Variants in UTP20 observed in about 807,000 individuals in gnomAD.
UTP20 encodes small subunit processome component 20 homolog.
In UTP20, 164 loss-of-function variants were observed where a neutral mutation model predicts 329.5. The observed-to-expected ratio is 0.50, with a 90% CI of 0.44 to 0.57. UTP20 has a LOEUF of 0.57. Ranked by LOEUF, UTP20 falls within the 20% of genes least tolerant of loss-of-function variation. The pLI is 0.00. For missense variants in UTP20, 3,055 were observed against 3,284.2 expected (o/e 0.93, Z 1.71); for synonymous variants, 1,151 against 1,159.3 (o/e 0.99, Z 0.14).
At chr12:101,322,227 C>T (rs1868389276) in intron 25 of UTP20, among the ~76,000 whole-genome samples, 1 of 151,940 alleles carries the variant, frequency 6.6e-6, no homozygotes, top group Non-Finnish European at 1.5e-5. Context: ...TGACCTCAGG[C>T]GATCCACCCG....
rs1378344312 is a variant in UTP20 at position 101,356,288 on chromosome 12, G to A, written c.5395-266G>A. On this transcript the variant is annotated intron_variant, in intron 41 of 61. Transcript: ENST00000261637. ...ATTACAGGCATGCACCACCACGCCC[G>A]GCTAATTTTGTATTTTTAGTAGAGA... Among the ~76,000 whole-genome samples, 5 of 151,958 alleles carry A rather than the reference G, an allele frequency of 3.3e-5. No individual in the cohort carries two copies. The East Asian group carries it at 5.8e-4, about 18-fold the overall frequency.
At position 101,371,084 on chromosome 12, in the gene UTP20, C is replaced by T. The variant is rs753043327; in HGVS notation, c.6714C>T (p.Val2238=). The T allele has an allele frequency of 6.2e-7, 1 of 1,613,920 alleles. No homozygotes were observed. The highest frequency in any genetic ancestry group is 1.1e-5 in the South Asian group (1 of 91,016). ...CAATTTTATCAAGAAAGCTGTTGGT[C>T]CCAGAAATCGATGAGGTCATGCGGA... ...LKAILSRKLL[V]PEIDEVMRKV... Residue 2238 remains valine, a synonymous_variant, in exon 51 of 62, where the codon GTC becomes GTT. Coordinates refer to ENST00000261637, the MANE Select transcript of UTP20 (RefSeq NM_014503.3).
chr12:101,331,870 G>C (rs1286453363), intron 27 of UTP20, among the ~76,000 whole-genome samples: 2 of 151,648 alleles, frequency 1.3e-5, no homozygotes, highest in Non-Finnish European at 2.9e-5. Context: ...ATTAGGGGTT[G>C]AATCTTCTCC....
intron 18 of UTP20, among the ~76,000 whole-genome samples, chr12:101,309,369 A>C (rs1218682295): frequency 2.6e-5 from 4 of 152,206 alleles, no homozygotes; most frequent in Non-Finnish European, 1.5e-5. Context: ...GCAAAGCCTC[A>C]GTCATTCACA....
At chr12:101,282,592 G>T (rs1871836396) in intron 2 of UTP20, among the ~76,000 whole-genome samples, 1 of 152,208 alleles carries the variant, frequency 6.6e-6, no homozygotes, top group Non-Finnish European at 1.5e-5. Flanking sequence ...TCCTGAAGCT[G>T]TAGGGACTTA....
intron 27 of UTP20, among the ~76,000 whole-genome samples, chr12:101,332,470 A>G (rs1317459543): frequency 5.9e-5 from 9 of 152,242 alleles, no homozygotes. Context: ...CACTGGAGCC[A>G]TTAGTAGGGA....
chr12:101,329,164 AAAT>A (rs1341703995), intron 26 of UTP20, 74 bp from the exon 27 acceptor site: 394 of 1,276,072 alleles, frequency 3.1e-4, no homozygotes, highest in Non-Finnish European at 7.2e-5. Context: ...AGGGAAATGG[AAAT>A]AAAACTACAA....
At chr12:101,361,704 T>C (rs1230838208) in intron 43 of UTP20, among the ~76,000 whole-genome samples, 1 of 152,158 alleles carries the variant, frequency 6.6e-6, no homozygotes, top group African/African-American at 2.4e-5. Context: ...TGCCTTTCTT[T>C]ATAAATCACT....
chr12:101,365,356 A>C, intron 45 of UTP20, 103 bp from the exon 46 acceptor site: 1 of 792,244 alleles, frequency 1.3e-6, no homozygotes, highest in Non-Finnish European at 1.9e-6. Flanking sequence ...GGAGAAAGCC[A>C]AACGTATATT....
In UTP20 at chr12:101,357,061, T is replaced by G; in HGVS notation, c.5670T>G (p.Thr1890=). 6.2e-7 allele frequency: 1 copy of G among 1,610,860 alleles called. No homozygotes were observed. Among genetic ancestry groups the G allele is most frequent in the East Asian group, 2.2e-5 (1 of 44,828 alleles). ...FLLYVLKELQ[T]TLVRGYQVHV... ...TATATGTTTTAAAAGAATTACAGACTACTCTTGTCCGTGGATACCAGGTAA... is the reference window on the plus strand; with the variant it reads ...TATATGTTTTAAAAGAATTACAGACGACTCTTGTCCGTGGATACCAGGTAA... The change falls in exon 43 of 62, where the codon ACT becomes ACG. Residue 1890 remains threonine, a synonymous_variant. Transcript: ENST00000261637.
chr12:101,354,750 C>A, intron 40 of UTP20, 82 bp from the exon 41 acceptor site: 1 of 1,440,554 alleles, frequency 6.9e-7, no homozygotes, highest in Non-Finnish European at 9.4e-7. Flanking sequence ...GGAAGTTGGA[C>A]GTTGGTGGGA....
At chr12:101,309,655 C>T (rs1177513928) in intron 18 of UTP20, 108 bp from the exon 19 acceptor site, 28 of 1,056,514 alleles carry the variant, frequency 2.7e-5, no homozygotes, top group Non-Finnish European at 3.6e-5. Context: ...ATCGCACAGG[C>T]TTCTTTCCAA....
intron 60 of UTP20, 34 bp from the exon 61 acceptor site, chr12:101,385,549 C>G: frequency 6.3e-7 from 1 of 1,587,996 alleles, no homozygotes; most frequent in South Asian, 1.2e-5. Flanking sequence ...CCTTTCCTAC[C>G]TGTCTCTGAT....
chr12:101,290,530 G>A (rs1027480923), intron 7 of UTP20, among the ~76,000 whole-genome samples: 3 of 152,192 alleles, frequency 2.0e-5, no homozygotes, highest in African/African-American at 7.2e-5. Context: ...GGCAGGTGGG[G>A]AGGGAACAGT....
intron 40 of UTP20, 73 bp downstream of exon 40, chr12:101,353,202 T>A: frequency 9.6e-7 from 1 of 1,041,870 alleles, no homozygotes; most frequent in Non-Finnish European, 1.4e-6. Context: ...TAATTAAAGA[T>A]GGTGACATTC....
chr12:101,345,450 G>T (rs1208813961), intron 36 of UTP20, 104 bp from the exon 37 acceptor site: 11 of 809,226 alleles, frequency 1.4e-5, no homozygotes, highest in African/African-American at 3.6e-5. Context: ...TTTTAACAGT[G>T]GAAATATTTT....
chr12:101,284,965 G>C (rs540757751), intron 2 of UTP20, among the ~76,000 whole-genome samples: 2 of 152,254 alleles, frequency 1.3e-5, no homozygotes, highest in African/African-American at 4.8e-5. Context: ...TGTAGTTCTA[G>C]TTCAATAGAG....
At position 101,286,447 on chromosome 12, in the gene UTP20, G is replaced by C; in HGVS notation, c.453G>C (p.Ser151=). ...DTELLEWAFT[S]LSYLYKYLWR... is the part of the protein sequence containing the mutation. The stretch of plus-strand genomic sequence containing the variant: ...AGTTGTTAGAATGGGCTTTCACCTC[G>C]TTATCATATCTTTATAAGTACCTGT... The change falls in exon 5 of 62, where the codon TCG becomes TCC. Residue 151 remains serine, a synonymous_variant. Transcript: ENST00000261637. The C allele has an allele frequency of 1.9e-6, 3 of 1,613,832 alleles. No individual in the cohort carries two copies. The highest frequency in any genetic ancestry group is 2.5e-6 in the Non-Finnish European group (3 of 1,179,900).
intron 43 of UTP20, among the ~76,000 whole-genome samples, chr12:101,358,433 C>A (rs1593447612): frequency 6.6e-6 from 1 of 152,324 alleles, no homozygotes; most frequent in South Asian, 2.1e-4. Context: ...GGAGAGTAGT[C>A]TGTTCTACCT....
Sources: allele counts gnomAD v4.1 joint callset (sites outside exome capture counted in the v4.1 genomes callset), GRCh38; gene constraint gnomAD v4.1.1; transcripts MANE v1.5; gene names NCBI Gene and HGNC (gene_info 2026-07-23, HGNC 2026-07-21).